The following INPP4B variants were observed in gnomAD, a reference collection of about 807,000 sequenced individuals.
INPP4B encodes inositol polyphosphate 4-phosphatase type II.
A neutral mutation model predicts 122.5 loss-of-function variants in INPP4B; 55 were observed. That is an observed-to-expected ratio of 0.45 (90% CI 0.36 to 0.56). The LOEUF (loss-of-function observed/expected upper bound fraction) is 0.56, where lower values mean the gene tolerates loss of function less well. Ranked by LOEUF, INPP4B falls within the 20% of genes least tolerant of loss-of-function variation. INPP4B has a pLI of 0.00. For synonymous variants in INPP4B, 403 were observed against 388.7 expected, an observed-to-expected ratio of 1.04 and a Z score of -0.43; for missense variants, 1,000 against 1,097.7, an observed-to-expected ratio of 0.91 and a Z score of 1.26.
chr4:142,049,918 A>C (rs1438677339), intron 25 of INPP4B, among the ~76,000 whole-genome samples: 2 of 151,992 alleles, frequency 1.3e-5, no homozygotes, highest in African/African-American at 4.8e-5. Context: ...AGATACATTA[A>C]AATACAAAGT....
chr4:142,550,302 T>C (rs1374135892), intron 2 of INPP4B, among the ~76,000 whole-genome samples: 3 of 152,120 alleles, frequency 2.0e-5, no homozygotes, highest in African/African-American at 7.2e-5. Flanking sequence ...TGCTGCATAG[T>C]CTGGAAGACA....
At chr4:142,651,421 T>A (rs530579142) in intron 2 of INPP4B, among the ~76,000 whole-genome samples, 2 of 152,022 alleles carry the variant, frequency 1.3e-5, no homozygotes, top group Non-Finnish European at 2.9e-5. Context: ...AAAAAATAAA[T>A]GAATCCAGGA....
In INPP4B at chr4:142,774,902, G is replaced by T. The variant is rs568955944; in HGVS notation, c.-253-49001C>A. On this transcript the variant is annotated intron_variant, in intron 1 of 25. Transcript: ENST00000262992. Reference sequence around the variant, plus strand: ...TTAACTAAAGTTCATACTTTACTTAGATTTCCTTAGTTTTTAATGTCCAGA... The same window carrying T: ...TTAACTAAAGTTCATACTTTACTTATATTTCCTTAGTTTTTAATGTCCAGA... Among the ~76,000 whole-genome samples the T allele has an allele frequency of 9.9e-5, 15 of 152,036 alleles. 1 individual carries two copies. The highest frequency in any genetic ancestry group is 3.6e-4 in the African/African-American group (15 of 41,444).
chr4:142,307,254 A>G (rs1333037310), intron 8 of INPP4B, among the ~76,000 whole-genome samples: 1 of 152,100 alleles, frequency 6.6e-6, no homozygotes, highest in Non-Finnish European at 1.5e-5. Context: ...CTCACCAGAG[A>G]TGCTCTCTAA....
At chr4:142,689,027 C>T (rs1440941834) in intron 2 of INPP4B, among the ~76,000 whole-genome samples, 3 of 151,980 alleles carry the variant, frequency 2.0e-5, no homozygotes, top group African/African-American at 7.3e-5. Context: ...TTTCTAACCC[C>T]CTATCCACCA....
Position 142,122,218 on chromosome 4 carries a change from A to G in INPP4B, c.2045T>C (p.Met682Thr), listed in dbSNP as rs1400850714. The change falls in exon 21 of 26, where the codon ATG (methionine) becomes ACG (threonine). Residue 682 changes from methionine to threonine, a missense_variant. By Grantham distance (81) the Met-to-Thr change is moderately conservative. Transcript: ENST00000262992. ...YSDEIGMLED[M>T]AVGISDLKKV... is the part of the protein sequence containing the mutation. ...CTTTAAATCGGAAATGCCAACGGCCATGTCCTCTAGCATTCCAATTTCATC... is the reference window on the plus strand; with the variant it reads ...CTTTAAATCGGAAATGCCAACGGCCGTGTCCTCTAGCATTCCAATTTCATC... 2 of 1,611,754 alleles carry G rather than the reference A, an allele frequency of 1.2e-6. No homozygotes were observed. The highest frequency in any genetic ancestry group is 1.7e-6 in the Non-Finnish European group (2 of 1,178,888).
chr4:142,694,914 A>G (rs568474830), intron 2 of INPP4B, among the ~76,000 whole-genome samples: 65 of 152,206 alleles, frequency 4.3e-4, no homozygotes, highest in African/African-American at 1.4e-3. Flanking sequence ...GAGCAAAAAC[A>G]TAAGAAAAAC....
intron 14 of INPP4B, 143 bp from the exon 15 acceptor site, chr4:142,193,338 A>T: frequency 1.8e-6 from 1 of 568,634 alleles, no homozygotes; most frequent in African/African-American, 1.9e-5. Flanking sequence ...CTCACATCTC[A>T]AGGGGGAAAG....
chr4:142,356,005 C>T (rs1245953641), intron 7 of INPP4B, among the ~76,000 whole-genome samples: 3 of 151,150 alleles, frequency 2.0e-5, no homozygotes, highest in Non-Finnish European at 4.4e-5. Context: ...ACTGGGGCTA[C>T]AAAAAATTAG....
intron 1 of INPP4B, among the ~76,000 whole-genome samples, chr4:142,756,102 C>T (rs765038574): frequency 6.6e-6 from 1 of 151,820 alleles, no homozygotes; most frequent in Non-Finnish European, 1.5e-5. Context: ...ATAGTGCAGG[C>T]GAATGAATGA....
At chr4:142,840,318 G>C (rs1007286294) in intron 1 of INPP4B, among the ~76,000 whole-genome samples, 3 of 152,108 alleles carry the variant, frequency 2.0e-5, no homozygotes, top group African/African-American at 7.2e-5. Flanking sequence ...AAAAGAATTT[G>C]CTCAGCAGAT....
intron 7 of INPP4B, among the ~76,000 whole-genome samples, chr4:142,381,865 C>T (rs925821757): frequency 6.6e-6 from 1 of 151,804 alleles, no homozygotes; most frequent in Admixed American, 6.6e-5. Context: ...TTGCAGTCTG[C>T]TTCAGGATTC....
At chr4:142,804,259 T>G (rs1778395781) in intron 1 of INPP4B, among the ~76,000 whole-genome samples, 1 of 152,138 alleles carries the variant, frequency 6.6e-6, no homozygotes, top group Non-Finnish European at 1.5e-5. Context: ...TGCCAAAGAC[T>G]TCCCATTTCA....
At chr4:142,564,843 T>C (rs1731292324) in intron 2 of INPP4B, among the ~76,000 whole-genome samples, 1 of 152,248 alleles carries the variant, frequency 6.6e-6, no homozygotes, top group Admixed American at 6.5e-5. Flanking sequence ...TCATATTATT[T>C]TCAGGTCAGT....
chr4:142,182,972 C>G (rs1831553243), intron 15 of INPP4B, among the ~76,000 whole-genome samples: 2 of 152,162 alleles, frequency 1.3e-5, no homozygotes, highest in Non-Finnish European at 2.9e-5. Flanking sequence ...CTACCAATTG[C>G]AGTATCCATA....
intron 2 of INPP4B, among the ~76,000 whole-genome samples, chr4:142,475,700 A>G (rs1819680856): frequency 6.6e-6 from 1 of 152,236 alleles, no homozygotes; most frequent in Non-Finnish European, 1.5e-5. Flanking sequence ...TTATAGTACA[A>G]TTGCAAGTAT....
At chr4:142,544,528 G>GA (rs2150046655) in intron 2 of INPP4B, among the ~76,000 whole-genome samples, 1 of 152,062 alleles carries the variant, frequency 6.6e-6, no homozygotes, top group Admixed American at 6.5e-5. Flanking sequence ...ATACATGAGA[G>GA]AAAAAATATT....
chr4:142,250,997 C>G (rs1561620998), intron 11 of INPP4B, among the ~76,000 whole-genome samples: 1 of 151,910 alleles, frequency 6.6e-6, no homozygotes, highest in African/African-American at 2.4e-5. Flanking sequence ...AAACAAATAC[C>G]CTGGTAATCT....
intron 21 of INPP4B, among the ~76,000 whole-genome samples, chr4:142,116,574 A>C (rs2152725756): frequency 6.6e-6 from 1 of 152,346 alleles, no homozygotes; most frequent in South Asian, 2.1e-4. Context: ...TGGGTACATA[A>C]CGAAATGAAA....
Sources: gnomAD v4.1 joint callset for allele counts (sites outside exome capture counted in the v4.1 genomes callset) on GRCh38, gnomAD v4.1.1 for gene constraint, MANE v1.5 for transcripts, NCBI Gene and HGNC (gene_info 2026-07-23, HGNC 2026-07-21) for gene names.